Variants in YTHDF3 observed in about 807,000 individuals in gnomAD.
YTHDF3 encodes the protein YTH domain-containing family protein 3.
A neutral mutation model predicts 52.5 loss-of-function variants in YTHDF3; 9 were observed. The ratio of observed to expected loss-of-function variants is 0.17; its 90% CI spans 0.10 to 0.30. The LOEUF is 0.30. YTHDF3 is among the 10% of genes least tolerant of loss of function. YTHDF3 has a pLI of 1.00. For missense variants in YTHDF3, 534 were observed against 715.0 expected (o/e 0.75, Z 2.89); for synonymous variants, 274 against 243.3 (o/e 1.13, Z -1.18).
At chr8:63,201,680 C>A (rs953908036) in intron 4 of YTHDF3, among the ~76,000 whole-genome samples, 1 of 152,098 alleles carries the variant, frequency 6.6e-6, no homozygotes, top group Non-Finnish European at 1.5e-5. Context: ...CTGCATTTGA[C>A]GCGCTTGATA....
At chr8:63,180,542 C>T (rs1392927995) in intron 3 of YTHDF3, among the ~76,000 whole-genome samples, 1 of 152,086 alleles carries the variant, frequency 6.6e-6, no homozygotes, top group African/African-American at 2.4e-5. Flanking sequence ...GGCGGCCGGG[C>T]AGAGACGCTC....
chr8:63,178,600 C>G (rs2130014991), intron 3 of YTHDF3, among the ~76,000 whole-genome samples: 1 of 152,280 alleles, frequency 6.6e-6, no homozygotes, highest in African/African-American at 2.4e-5. Context: ...CCAGTAAGGC[C>G]TGTTCTACCT....
At chr8:63,178,959 G>A (rs2130018013) in intron 3 of YTHDF3, among the ~76,000 whole-genome samples, 1 of 152,198 alleles carries the variant, frequency 6.6e-6, no homozygotes, top group South Asian at 2.1e-4. Context: ...TACACAGTGT[G>A]TTTTAAAAAT....
intron 4 of YTHDF3, among the ~76,000 whole-genome samples, chr8:63,209,049 G>A (rs1810215462): frequency 6.6e-6 from 1 of 151,538 alleles, no homozygotes; most frequent in Non-Finnish European, 1.5e-5. Context: ...TGTATTTTTA[G>A]TAGAGACGGG....
intron 4 of YTHDF3, among the ~76,000 whole-genome samples, chr8:63,207,659 T>C (rs541449884): frequency 1.3e-5 from 2 of 152,276 alleles, no homozygotes; most frequent in South Asian, 2.1e-4. Flanking sequence ...CAGCATAACA[T>C]GTGGTCCTCA....
At position 63,212,512 on chromosome 8, in the gene YTHDF3, A is replaced by G. The variant is rs978956716; in HGVS notation, c.*2806A>G. ...CATCCTTTAAAAATAAGTTTAAGAA[A>G]TTTAAGAGAATTGTGTTTTCATTAA... On this transcript the variant is annotated 3_prime_UTR_variant, in exon 5 of 5. Transcript: ENST00000539294. 3 of 152,758 alleles carry G rather than the reference A, an allele frequency of 2.0e-5. No homozygotes were observed. The highest frequency in any genetic ancestry group is 2.0e-4 in the Admixed American group (3 of 15,300). The allele number at this position is 152,758 out of a possible 1,614,324, so 9.5% of individuals were successfully genotyped here. A position where few individuals can be genotyped will look rare whatever the true frequency, so the allele number is the denominator to read the frequency against.
At chr8:63,203,768 A>G (rs1809801042) in intron 4 of YTHDF3, among the ~76,000 whole-genome samples, 1 of 152,052 alleles carries the variant, frequency 6.6e-6, no homozygotes, top group Non-Finnish European at 1.5e-5. Flanking sequence ...TTTGTTTCCC[A>G]TTACATTTTT....
chr8:63,175,948 T>A (rs1372961934), intron 3 of YTHDF3, among the ~76,000 whole-genome samples: 1 of 152,214 alleles, frequency 6.6e-6, no homozygotes, highest in Non-Finnish European at 1.5e-5. Flanking sequence ...ATAAACATAC[T>A]TGCTTTATAA....
intron 4 of YTHDF3, 66 bp downstream of exon 4, chr8:63,187,811 T>G: frequency 6.8e-7 from 1 of 1,471,208 alleles, no homozygotes; most frequent in East Asian, 2.4e-5. Context: ...GATGGGTATA[T>G]TCTGAGTTTA....
intron 3 of YTHDF3, among the ~76,000 whole-genome samples, chr8:63,179,328 C>G (rs539706078): frequency 6.6e-6 from 1 of 151,800 alleles, no homozygotes; most frequent in South Asian, 2.1e-4. Flanking sequence ...AACAAGTGAA[C>G]AAAGGTCTCT....
At chr8:63,182,494 T>C (rs1585752451) in intron 3 of YTHDF3, among the ~76,000 whole-genome samples, 1 of 152,156 alleles carries the variant, frequency 6.6e-6, no homozygotes, top group African/African-American at 2.4e-5. Context: ...ATACTATGGG[T>C]ATAGACAAAT....
At chr8:63,181,551 TA>T (rs1451565099) in intron 3 of YTHDF3, among the ~76,000 whole-genome samples, 1 of 152,228 alleles carries the variant, frequency 6.6e-6, no homozygotes, top group East Asian at 1.9e-4. Flanking sequence ...ATGTATGTTT[TA>T]TACAGACGTG....
chr8:63,201,465 G>T (rs1453504595), intron 4 of YTHDF3, among the ~76,000 whole-genome samples: 1 of 151,968 alleles, frequency 6.6e-6, no homozygotes, highest in Non-Finnish European at 1.5e-5. Flanking sequence ...TCTTCATTTC[G>T]TTAACAGTTA....
chr8:63,204,726 T>C (rs914552463), intron 4 of YTHDF3, among the ~76,000 whole-genome samples: 16 of 152,208 alleles, frequency 1.1e-4, no homozygotes, highest in Non-Finnish European at 2.1e-4. Flanking sequence ...ACTGCCTTCT[T>C]CGGCAGTTCT....
chr8:63,187,894 TCC>T, intron 4 of YTHDF3, 149 bp downstream of exon 4: 1 of 897,930 alleles, frequency 1.1e-6, no homozygotes, highest in East Asian at 2.7e-5. Context: ...TCTATGTGTG[TCC>T]TATATGAACC....
chr8:63,189,188 C>T lies in YTHDF3; in HGVS notation c.1734+1443C>T, dbSNP rs1254585726. 3.3e-5 allele frequency: 5 copies of T among 152,184 alleles called. No homozygotes were observed. In the East Asian group the frequency reaches 9.7e-4, roughly 29 times the overall value. 9.4% of individuals were successfully genotyped at this position (152,184 alleles called of 1,614,324 possible). A position where few individuals can be genotyped will look rare whatever the true frequency, so the allele number is the denominator to read the frequency against. On this transcript the variant is annotated intron_variant, in intron 4 of 4. Transcript: ENST00000539294. ...GCTGTTTATCCTTGTATTATATTGG[C>T]CAGAATATTTTTATTTTTATTTTTT...
Position 63,209,887 on chromosome 8 carries a change from C to G in YTHDF3, c.*181C>G. On this transcript the variant is annotated 3_prime_UTR_variant, in exon 5 of 5. Transcript: ENST00000539294. ...TCAGCGCATCTGCCCTTATACTCTTCACCAAACACACTTGAGAACTGTAAC... is the reference window on the plus strand; with the variant it reads ...TCAGCGCATCTGCCCTTATACTCTTGACCAAACACACTTGAGAACTGTAAC... 4 of 549,588 alleles carry G rather than the reference C, an allele frequency of 7.3e-6. No homozygotes were observed. The highest frequency in any genetic ancestry group is 9.3e-6 in the Non-Finnish European group (3 of 321,720). The allele number at this position is 549,588 out of a possible 1,614,324, so 34.0% of individuals were successfully genotyped here.
chr8:63,195,195 T>C (rs980849779), intron 4 of YTHDF3, among the ~76,000 whole-genome samples: 8 of 152,210 alleles, frequency 5.3e-5, no homozygotes, highest in African/African-American at 1.4e-4. Flanking sequence ...TCCATGCTAG[T>C]TAGTATTTGT....
At position 63,199,823 on chromosome 8, in the gene YTHDF3, A is replaced by T. The variant is rs1809482906; in HGVS notation, c.1735-9860A>T. Among the ~76,000 whole-genome samples the T allele has an allele frequency of 2.6e-5, 4 of 152,124 alleles. No individual in the cohort carries two copies. In the South Asian group the frequency reaches 8.3e-4, roughly 32 times the overall value. ...CTGCTGGGTATTTTACCCTACTCATACATGAATACTGTTGAAGTTAGGGAA... is the reference window on the plus strand; with the variant it reads ...CTGCTGGGTATTTTACCCTACTCATTCATGAATACTGTTGAAGTTAGGGAA... On this transcript the variant is annotated intron_variant, in intron 4 of 4. Transcript: ENST00000539294.
Sources: allele counts gnomAD v4.1 joint callset (sites outside exome capture counted in the v4.1 genomes callset), GRCh38; gene constraint gnomAD v4.1.1; transcripts MANE v1.5; gene names NCBI Gene and HGNC (gene_info 2026-07-23, HGNC 2026-07-21).